The following SLIT3 variants were observed in gnomAD, a reference collection of about 807,000 sequenced individuals.
The protein encoded by SLIT3 is slit guidance ligand 3, also known as slit homolog 3 protein.
A neutral mutation model predicts 184.0 loss-of-function variants in SLIT3; 68 were observed. That is an observed-to-expected ratio of 0.37 (90% CI 0.30 to 0.45). The LOEUF (loss-of-function observed/expected upper bound fraction) is 0.45, where lower values mean the gene tolerates loss of function less well. Among genes scored for constraint, SLIT3 ranks in the 20% least tolerant of loss-of-function variants. The pLI is 1.00. For synonymous variants in SLIT3, 831 were observed against 828.6 expected (o/e 1.00, Z -0.05); for missense variants, 1,707 against 2,026.0 (o/e 0.84, Z 3.02).
chr5:168,809,828 T>A (rs1384405028), intron 8 of SLIT3, among the ~76,000 whole-genome samples: 1 of 152,186 alleles, frequency 6.6e-6, no homozygotes, highest in Non-Finnish European at 1.5e-5. Context: ...AGGTGAGTGT[T>A]CCTTCTGGAA....
At chr5:168,856,802 T>TGCGCGCGC (rs1395225143) in intron 5 of SLIT3, among the ~76,000 whole-genome samples, 4 of 143,088 alleles carry the variant, frequency 2.8e-5, no homozygotes, top group African/African-American at 1.1e-4. Flanking sequence ...TGTGTGTGTG[T>TGCGCGCGC]GTGTGCGCGC....
intron 8 of SLIT3, among the ~76,000 whole-genome samples, chr5:168,810,669 C>A (rs1757131533): frequency 6.6e-6 from 1 of 152,254 alleles, no homozygotes; most frequent in South Asian, 2.1e-4. Flanking sequence ...TGTCTTTGTG[C>A]CAAACGGGGC....
At chr5:168,907,479 G>A (rs552790066) in intron 4 of SLIT3, among the ~76,000 whole-genome samples, 1 of 152,216 alleles carries the variant, frequency 6.6e-6, no homozygotes, top group Non-Finnish European at 1.5e-5. Flanking sequence ...GGAAGGTAGT[G>A]TGTGACCATG....
intron 4 of SLIT3, among the ~76,000 whole-genome samples, chr5:168,918,314 T>C (rs778744972): frequency 4.6e-5 from 7 of 152,098 alleles, no homozygotes; most frequent in Admixed American, 1.3e-4. Flanking sequence ...GCAGGAGAAA[T>C]TTCAACTGCG....
At chr5:168,977,048 A>C (rs1369861954) in intron 4 of SLIT3, among the ~76,000 whole-genome samples, 1 of 152,008 alleles carries the variant, frequency 6.6e-6, no homozygotes, top group Admixed American at 6.5e-5. Flanking sequence ...GGAGGTCCTC[A>C]GTGGGGAACA....
At chr5:169,149,039 G>A (rs1048756559) in intron 4 of SLIT3, among the ~76,000 whole-genome samples, 8 of 152,112 alleles carry the variant, frequency 5.3e-5, no homozygotes, top group East Asian at 1.9e-4. Context: ...TGCATGACCC[G>A]CCAAAAGCTA....
intron 3 of SLIT3, among the ~76,000 whole-genome samples, chr5:169,228,238 G>A (rs891573327): frequency 6.6e-6 from 1 of 152,110 alleles, no homozygotes; most frequent in Non-Finnish European, 1.5e-5. Context: ...GCTGAAGAGC[G>A]ACTGTGGGAC....
chr5:168,740,974 G>C (rs533631010), intron 20 of SLIT3, among the ~76,000 whole-genome samples: 1 of 152,154 alleles, frequency 6.6e-6, no homozygotes, highest in Non-Finnish European at 1.5e-5. Flanking sequence ...GCACAGCCCG[G>C]TCCAAGGGAA....
intron 5 of SLIT3, among the ~76,000 whole-genome samples, chr5:168,855,415 A>G (rs1338916546): frequency 6.6e-6 from 1 of 152,230 alleles, no homozygotes; most frequent in Non-Finnish European, 1.5e-5. Flanking sequence ...AAAAACTTGC[A>G]CACAAATGTT....
At chr5:168,737,349 G>A (rs532220561) in intron 20 of SLIT3, among the ~76,000 whole-genome samples, 60 of 152,198 alleles carry the variant, frequency 3.9e-4, no homozygotes, top group African/African-American at 1.4e-3. Context: ...GTGCATTCTT[G>A]TCATCACCTC....
rs1476169550 is a variant in SLIT3 at position 168,661,802 on chromosome 5, G to A, written c.*4652C>T. ...CTGTGACTCATCCATTTATTTTAAT[G>A]ACATCTGAATATGACAGTATATTGA... On this transcript the variant is annotated 3_prime_UTR_variant, in exon 36 of 36. Coordinates refer to ENST00000519560, the MANE Select transcript of SLIT3 (RefSeq NM_003062.4). 1 of 152,168 alleles carries A rather than the reference G, an allele frequency of 6.6e-6. No individual in the cohort carries two copies. Among genetic ancestry groups the A allele is most frequent in the East Asian group, 1.9e-4 (1 of 5,196 alleles). The allele number at this position is 152,168 out of a possible 1,614,324, so 9.4% of individuals were successfully genotyped here. A position where few individuals can be genotyped will look rare whatever the true frequency, so the allele number is the denominator to read the frequency against.
At chr5:169,105,903 T>A (rs1296937663) in intron 4 of SLIT3, among the ~76,000 whole-genome samples, 1 of 152,138 alleles carries the variant, frequency 6.6e-6, no homozygotes, top group Non-Finnish European at 1.5e-5. Flanking sequence ...TTGTGAATAG[T>A]GCTGCAGTGA....
intron 1 of SLIT3, among the ~76,000 whole-genome samples, chr5:169,298,790 T>G (rs1767592817): frequency 6.6e-6 from 1 of 152,208 alleles, no homozygotes; most frequent in Admixed American, 6.5e-5. Context: ...CAAGATGGCT[T>G]AACTGTGAAA....
At chr5:169,013,246 C>T (rs1756227023) in intron 4 of SLIT3, 1 of 152,316 alleles carries the variant, frequency 6.6e-6, no homozygotes, top group East Asian at 1.9e-4. Flanking sequence ...ACCCCCAAAC[C>T]CAGTCCTCAC....
intron 4 of SLIT3, among the ~76,000 whole-genome samples, chr5:169,015,928 A>G (rs1756344277): frequency 7.6e-6 from 1 of 131,944 alleles, no homozygotes; most frequent in Non-Finnish European, 1.6e-5. Context: ...TCAGAAAAAT[A>G]TAAACACACA....
intron 4 of SLIT3, among the ~76,000 whole-genome samples, chr5:169,183,118 A>G (rs1470325792): frequency 6.6e-6 from 1 of 152,172 alleles, no homozygotes; most frequent in East Asian, 1.9e-4. Flanking sequence ...CATCCCAACC[A>G]CCAGCACATT....
At chr5:168,906,657 C>G (rs1374643664) in intron 4 of SLIT3, among the ~76,000 whole-genome samples, 2 of 151,656 alleles carry the variant, frequency 1.3e-5, no homozygotes, top group Non-Finnish European at 2.9e-5. Context: ...TATTTTTTTC[C>G]GAAATAGAGG....
intron 4 of SLIT3, among the ~76,000 whole-genome samples, chr5:168,951,426 G>C (rs1047819254): frequency 6.6e-5 from 10 of 152,138 alleles, no homozygotes; most frequent in Admixed American, 5.9e-4. Context: ...GACAGCCACT[G>C]GGTGGGGGAG....
chr5:168,880,611 T>C (rs1322626251), intron 5 of SLIT3, among the ~76,000 whole-genome samples: 1 of 152,226 alleles, frequency 6.6e-6, no homozygotes, highest in Non-Finnish European at 1.5e-5. Flanking sequence ...AAGTTATTCA[T>C]ATGCATTATT....
Sources: gnomAD v4.1 joint callset for allele counts (sites outside exome capture counted in the v4.1 genomes callset) on GRCh38, gnomAD v4.1.1 for gene constraint, MANE v1.5 for transcripts, NCBI Gene and HGNC (gene_info 2026-07-23, HGNC 2026-07-21) for gene names.